ADAMTS3: variants seen among roughly 807,000 people sequenced by gnomAD.
ADAMTS3 encodes the protein A disintegrin and metalloproteinase with thrombospondin motifs 3.
Under a neutral mutation model 129.0 loss-of-function variants are expected in ADAMTS3, and 73 were observed. The observed-to-expected ratio is 0.57, with a 90% confidence interval of 0.47 to 0.69. The LOEUF (loss-of-function observed/expected upper bound fraction) is 0.69, where lower values mean the gene tolerates loss of function less well. Among genes scored for constraint, ADAMTS3 ranks in the 30% least tolerant of loss-of-function variants. The probability of loss-of-function intolerance (pLI) is 0.00; values close to 1 mark genes in which losing one functional copy is unlikely to be tolerated. For synonymous variants in ADAMTS3, 477 were observed against 510.8 expected, an observed-to-expected ratio of 0.93 and a Z score of 0.89; for missense variants, 1,457 against 1,514.5, an observed-to-expected ratio of 0.96 and a Z score of 0.63.
chr4:72,497,024 C>A (rs993230598), intron 3 of ADAMTS3, among the ~76,000 whole-genome samples: 2 of 151,978 alleles, frequency 1.3e-5, no homozygotes, highest in Admixed American at 6.6e-5. Context: ...CATTCCAGGT[C>A]CCCCCTTTGG....
intron 3 of ADAMTS3, among the ~76,000 whole-genome samples, chr4:72,536,317 A>G (rs775495745): frequency 6.6e-6 from 1 of 152,208 alleles, no homozygotes; most frequent in Non-Finnish European, 1.5e-5. Flanking sequence ...GGAGCCATAC[A>G]TGACGTAGAA....
intron 3 of ADAMTS3, among the ~76,000 whole-genome samples, chr4:72,477,594 G>C (rs1176818339): frequency 6.6e-6 from 1 of 151,990 alleles, no homozygotes; most frequent in Non-Finnish European, 1.5e-5. Flanking sequence ...AAGCAGGAAA[G>C]ATCCAAAATT....
In ADAMTS3 at chr4:72,319,049, T is replaced by TC. The variant is rs545379481; in HGVS notation, c.1352+282dup. 1.3e-4 allele frequency among the ~76,000 whole-genome samples: 19 copies of TC among 151,912 alleles called. 1 individual carries two copies. The South Asian group carries it at 4.0e-3, about 32-fold the overall frequency. On this transcript the variant is annotated intron_variant, in intron 9 of 21. Coordinates refer to ENST00000286657, the MANE Select transcript of ADAMTS3 (RefSeq NM_014243.3). ...ATATGCAGAAACCACATGACCATCC[T>TC]CCCCCCATCCTCAAGTTTGACCATT...
At chr4:72,546,554 T>C (rs1721472159) in intron 3 of ADAMTS3, among the ~76,000 whole-genome samples, 1 of 152,098 alleles carries the variant, frequency 6.6e-6, no homozygotes, top group African/African-American at 2.4e-5. Context: ...AGCCATTAGC[T>C]AGTCAGTTCT....
intron 3 of ADAMTS3, among the ~76,000 whole-genome samples, chr4:72,447,064 A>G (rs1331056183): frequency 2.6e-5 from 4 of 151,784 alleles, no homozygotes; most frequent in Non-Finnish European, 5.9e-5. Context: ...AATTATAAAC[A>G]TTAGTGTCAT....
intron 21 of ADAMTS3, among the ~76,000 whole-genome samples, chr4:72,285,497 C>T (rs2117378): frequency 0.22 from 33,287 of 151,856 alleles, 3,957 homozygotes; most frequent in East Asian, 0.44. Flanking sequence ...TCCTCTAACC[C>T]CTTTCCCTCA....
intron 3 of ADAMTS3, among the ~76,000 whole-genome samples, chr4:72,492,891 T>C (rs1719783258): frequency 6.6e-6 from 1 of 151,948 alleles, no homozygotes; most frequent in African/African-American, 2.4e-5. Flanking sequence ...ATTATCTAAA[T>C]ATTTAGATGC....
chr4:72,540,485 T>A (rs1475649818), intron 3 of ADAMTS3, among the ~76,000 whole-genome samples: 2 of 152,178 alleles, frequency 1.3e-5, no homozygotes, highest in Non-Finnish European at 2.9e-5. Flanking sequence ...AAATTCAAGC[T>A]CGCTGCAGAA....
At chr4:72,328,198 T>C (rs181206068) in intron 5 of ADAMTS3, among the ~76,000 whole-genome samples, 1 of 152,304 alleles carries the variant, frequency 6.6e-6, no homozygotes, top group Non-Finnish European at 1.5e-5. Context: ...TTAAATTACC[T>C]GAAAGAAGGG....
At chr4:72,411,071 G>A (rs913996379) in intron 4 of ADAMTS3, among the ~76,000 whole-genome samples, 2 of 152,114 alleles carry the variant, frequency 1.3e-5, no homozygotes, top group African/African-American at 4.8e-5. Flanking sequence ...CTAAAGCAGA[G>A]CACTGCATTT....
intron 5 of ADAMTS3, among the ~76,000 whole-genome samples, chr4:72,338,324 C>G (rs1164749172): frequency 6.6e-6 from 1 of 152,098 alleles, no homozygotes. Context: ...CCTCTGAACA[C>G]ATCTATTGCC....
At chr4:72,467,667 G>C (rs1718958115) in intron 3 of ADAMTS3, among the ~76,000 whole-genome samples, 1 of 151,884 alleles carries the variant, frequency 6.6e-6, no homozygotes, top group Non-Finnish European at 1.5e-5. Context: ...TATTCTTTAA[G>C]TCCAAGTCTT....
chr4:72,312,475 A>G lies in ADAMTS3; in HGVS notation c.1746-9T>C. The G allele has an allele frequency of 6.2e-7, 1 of 1,612,612 alleles. No individual in the cohort carries two copies. Among genetic ancestry groups the G allele is most frequent in the Non-Finnish European group, 8.5e-7 (1 of 1,179,104 alleles). ...GACCACCATTGATGGGCCTAAAGAAAAGACAACATTTAAAAAGGCCTTTTG... is the reference window on the plus strand; with the variant it reads ...GACCACCATTGATGGGCCTAAAGAAGAGACAACATTTAAAAAGGCCTTTTG... On this transcript the variant is annotated splice_polypyrimidine_tract_variant and intron_variant, in intron 12 of 21. Coordinates refer to ENST00000286657, the MANE Select transcript of ADAMTS3 (RefSeq NM_014243.3).
At chr4:72,309,258 A>T in intron 15 of ADAMTS3, 139 bp downstream of exon 15, 1 of 792,442 alleles carries the variant, frequency 1.3e-6, no homozygotes, top group Non-Finnish European at 1.9e-6. Context: ...GTTCCTTAAA[A>T]GGTAATCTGA....
chr4:72,322,913 A>G, intron 6 of ADAMTS3, 101 bp downstream of exon 6: 4 of 909,588 alleles, frequency 4.4e-6, no homozygotes, highest in Non-Finnish European at 5.3e-6. Flanking sequence ...GTTTATATGG[A>G]ATATATCTAT....
At chr4:72,489,499 T>C (rs1413096490) in intron 3 of ADAMTS3, among the ~76,000 whole-genome samples, 2 of 151,982 alleles carry the variant, frequency 1.3e-5, no homozygotes, top group Non-Finnish European at 2.9e-5. Context: ...TACCCACTTG[T>C]TAATCATCAA....
At chr4:72,367,722 C>G (rs1036387800) in intron 4 of ADAMTS3, among the ~76,000 whole-genome samples, 2 of 151,964 alleles carry the variant, frequency 1.3e-5, no homozygotes, top group African/African-American at 4.8e-5. Flanking sequence ...TGGCGGCAGG[C>G]GCCTGTAGTC....
chr4:72,407,258 G>A (rs538074050), intron 4 of ADAMTS3, among the ~76,000 whole-genome samples: 1 of 151,738 alleles, frequency 6.6e-6, no homozygotes, highest in Non-Finnish European at 1.5e-5. Context: ...CAAAAGTTAG[G>A]TATGATGAAA....
At chr4:72,467,429 C>T (rs1400911676) in intron 3 of ADAMTS3, among the ~76,000 whole-genome samples, 2 of 152,014 alleles carry the variant, frequency 1.3e-5, no homozygotes, top group Non-Finnish European at 2.9e-5. Context: ...TGAAAACCTG[C>T]AAATGGCTCC....
Sources: gnomAD v4.1 joint callset for allele counts (sites outside exome capture counted in the v4.1 genomes callset) on GRCh38, gnomAD v4.1.1 for gene constraint, MANE v1.5 for transcripts, NCBI Gene and HGNC (gene_info 2026-07-23, HGNC 2026-07-21) for gene names.